BCAS3: variants seen among roughly 807,000 people sequenced by gnomAD.
The protein encoded by BCAS3 is BCAS4/BCAS3 fusion.
Under a neutral mutation model 116.1 loss-of-function variants are expected in BCAS3, and 53 were observed. The ratio of observed to expected loss-of-function variants is 0.46; its 90% CI spans 0.37 to 0.57. The LOEUF (loss-of-function observed/expected upper bound fraction) is 0.57. Ranked by LOEUF, BCAS3 falls within the 20% of genes least tolerant of loss-of-function variation. BCAS3 has a pLI of 0.00. For synonymous variants in BCAS3, 391 were observed against 408.2 expected (o/e 0.96, Z 0.51); for missense variants, 917 against 1,165.4 (o/e 0.79, Z 3.10).
chr17:61,193,933 A>G (rs1165093604), intron 22 of BCAS3, among the ~76,000 whole-genome samples: 1 of 151,692 alleles, frequency 6.6e-6, no homozygotes, highest in Non-Finnish European at 1.5e-5. Flanking sequence ...CCTGGCCAAC[A>G]TCACGAAACC....
intron 22 of BCAS3, among the ~76,000 whole-genome samples, chr17:61,298,512 T>C (rs2053141799): frequency 6.6e-6 from 1 of 152,228 alleles, no homozygotes. Flanking sequence ...TTTGTGACCA[T>C]GCAAAGGCTG....
rs1197378677 is a variant in BCAS3, at chr17:60,924,514, C to CT, written c.1087+15dup. The CT allele has an allele frequency of 2.8e-6, 4 of 1,406,838 alleles. No individual in the cohort carries two copies. Among genetic ancestry groups the CT allele is most frequent in the African/African-American group, 1.5e-5 (1 of 65,108 alleles). 87.1% of individuals were successfully genotyped at this position (1,406,838 alleles called of 1,614,324 possible). The stretch of plus-strand genomic sequence containing the variant: ...TTAATACAAGTGGTAAGTTCGCTCT[C>CT]TGTCTTTTTTTTTTTTTTTTTTGTA... On this transcript the variant is annotated intron_variant, in intron 13 of 23. Coordinates refer to ENST00000407086, the MANE Select transcript of BCAS3 (RefSeq NM_017679.5).
chr17:60,959,101 T>G (rs1384068573), intron 14 of BCAS3, among the ~76,000 whole-genome samples: 1 of 151,810 alleles, frequency 6.6e-6, no homozygotes, highest in African/African-American at 2.4e-5. Flanking sequence ...CCCCAGGAGT[T>G]CAAGACCAGA....
At chr17:61,103,252 A>G (rs1023357776) in intron 22 of BCAS3, among the ~76,000 whole-genome samples, 1 of 152,114 alleles carries the variant, frequency 6.6e-6, no homozygotes, top group African/African-American at 2.4e-5. Flanking sequence ...TAAATGCTCA[A>G]ACACCCTTCT....
At chr17:60,704,946 T>A (rs909834080) in intron 4 of BCAS3, among the ~76,000 whole-genome samples, 6 of 151,950 alleles carry the variant, frequency 3.9e-5, no homozygotes, top group Non-Finnish European at 8.8e-5. Flanking sequence ...CCAGACACGG[T>A]GTCTCTATCT....
intron 12 of BCAS3, among the ~76,000 whole-genome samples, chr17:60,923,417 T>C (rs1246901416): frequency 6.6e-6 from 1 of 152,204 alleles, no homozygotes; most frequent in East Asian, 1.9e-4. Flanking sequence ...TGCATATATG[T>C]TGTAACTGAT....
intron 7 of BCAS3, among the ~76,000 whole-genome samples, chr17:60,823,546 A>G (rs2050135948): frequency 1.3e-5 from 2 of 152,184 alleles, no homozygotes; most frequent in Non-Finnish European, 2.9e-5. Context: ...CCTGGGTAAC[A>G]GAGTGAGACT....
chr17:61,232,017 C>T (rs2144440221), intron 22 of BCAS3, among the ~76,000 whole-genome samples: 2 of 151,270 alleles, frequency 1.3e-5, no homozygotes, highest in South Asian at 4.2e-4. Context: ...CCAGCCTGGC[C>T]AATACGGTGA....
chr17:61,009,986 A>G (rs1023805930), intron 15 of BCAS3, among the ~76,000 whole-genome samples: 4 of 151,364 alleles, frequency 2.6e-5, no homozygotes, highest in Admixed American at 2.6e-4. Context: ...TCCTTGTAGC[A>G]TCTGTGTTTT....
chr17:61,225,427 G>T (rs571945272), intron 22 of BCAS3, among the ~76,000 whole-genome samples: 1 of 152,192 alleles, frequency 6.6e-6, no homozygotes, highest in Non-Finnish European at 1.5e-5. Context: ...CCCCTCCAAA[G>T]ATTCACAGTA....
rs564397775 is a variant in BCAS3 at position 60,923,935 on chromosome 17, C to T, written c.994-472C>T. Among the ~76,000 whole-genome samples, 234 of 152,264 alleles carry T rather than the reference C, an allele frequency of 1.5e-3. 1 individual carries two copies. Among genetic ancestry groups the T allele is most frequent in the African/African-American group, 5.5e-3 (227 of 41,564 alleles). ...ATGAAAATGTTATTGGATGATTTCT[C>T]TATACACCTGTTTATTTATGTTTAA... On this transcript the variant is annotated intron_variant, in intron 12 of 23. Transcript: ENST00000407086.
chr17:61,177,901 C>T (rs1468729414), intron 22 of BCAS3, among the ~76,000 whole-genome samples: 1 of 152,186 alleles, frequency 6.6e-6, no homozygotes, highest in Non-Finnish European at 1.5e-5. Flanking sequence ...GAGCTAAATT[C>T]ATGGCATTTT....
At chr17:60,719,844 A>G (rs78406005) in intron 5 of BCAS3, among the ~76,000 whole-genome samples, 4,733 of 152,294 alleles carry the variant, frequency 0.031, 234 homozygotes, top group African/African-American at 0.1. Flanking sequence ...TTGTGAGAGG[A>G]TTACCAAAAA....
chr17:60,795,446 G>A (rs1164556569), intron 6 of BCAS3, among the ~76,000 whole-genome samples: 2 of 152,080 alleles, frequency 1.3e-5, no homozygotes, highest in African/African-American at 4.8e-5. Context: ...AGGACTTCCA[G>A]TACTATGTTG....
At chr17:60,793,038 G>T (rs2046910751) in intron 6 of BCAS3, among the ~76,000 whole-genome samples, 1 of 151,594 alleles carries the variant, frequency 6.6e-6, no homozygotes. Flanking sequence ...ATGTTCTCAA[G>T]GTTCATCCAT....
At position 61,118,133 on chromosome 17, in the gene BCAS3, G is replaced by A. The variant is rs575406253; in HGVS notation, c.2425+33569G>A. On this transcript the variant is annotated intron_variant, in intron 22 of 23. Coordinates refer to ENST00000407086, the MANE Select transcript of BCAS3 (RefSeq NM_017679.5). This position sits in a 1 kb window ranked among gnomAD's most constrained non-coding sequence, Gnocchi z 5.0. ...TGATATGAATTGTACTTAAACCTTCGGTTTTAAGGGGCTTTCTCTGGTATC... is the reference window on the plus strand; with the variant it reads ...TGATATGAATTGTACTTAAACCTTCAGTTTTAAGGGGCTTTCTCTGGTATC... Among the ~76,000 whole-genome samples the A allele has an allele frequency of 7.2e-5, 11 of 152,062 alleles. No individual in the cohort carries two copies. The highest frequency in any genetic ancestry group is 2.2e-4 in the African/African-American group (9 of 41,486).
rs980876701 is a variant in BCAS3, at chr17:61,019,216, T to G, written c.1637+3315T>G. On this transcript the variant is annotated intron_variant, in intron 16 of 23. Transcript: ENST00000407086. This position sits in a 1 kb window ranked among gnomAD's most constrained non-coding sequence, Gnocchi z 5.6. ...TGTCAGATCAGCATCGGCATTAGAT[T>G]CTCGTTAAGAGTGCAAACCCTATTG... Among the ~76,000 whole-genome samples, 5 of 152,264 alleles carry G rather than the reference T, an allele frequency of 3.3e-5. No homozygotes were observed. In the East Asian group the frequency reaches 9.7e-4, roughly 29 times the overall value.
chr17:60,683,112 C>G (rs1184081492), intron 2 of BCAS3, among the ~76,000 whole-genome samples: 2 of 152,046 alleles, frequency 1.3e-5, no homozygotes, highest in Non-Finnish European at 2.9e-5. Flanking sequence ...CATGTCTTTT[C>G]TATACCAAAA....
At chr17:61,170,380 C>T (rs2078771115) in intron 22 of BCAS3, among the ~76,000 whole-genome samples, 1 of 151,986 alleles carries the variant, frequency 6.6e-6, no homozygotes, top group Non-Finnish European at 1.5e-5. Flanking sequence ...GCAAGCTCCA[C>T]CTCGAGGGTT....
Sources: gnomAD v4.1 joint callset for allele counts (sites outside exome capture counted in the v4.1 genomes callset) on GRCh38, gnomAD v4.1.1 for gene constraint, Gnocchi (gnomAD v3.1) non-coding constraint, MANE v1.5 for transcripts, NCBI Gene and HGNC (gene_info 2026-07-23, HGNC 2026-07-21) for gene names.